Variants in ZNF585B observed in about 807,000 individuals in gnomAD.
ZNF585B encodes zinc finger protein 41-like protein.
In ZNF585B, 7 loss-of-function variants were observed where a neutral mutation model predicts 14.0. That is an observed-to-expected ratio of 0.50 (90% CI 0.28 to 0.94). ZNF585B has a LOEUF of 0.94. ZNF585B is among the 40% of genes least tolerant of loss of function. The probability of loss-of-function intolerance (pLI) is 0.09; values close to 1 mark genes in which losing one functional copy is unlikely to be tolerated. For synonymous variants in ZNF585B, 290 were observed against 317.3 expected, an observed-to-expected ratio of 0.91 and a Z score of 0.91; for missense variants, 750 against 924.4, an observed-to-expected ratio of 0.81 and a Z score of 2.45.
At chr19:37,200,050 AAATAATAAAAT>A (rs1231922205) in intron 2 of ZNF585B, among the ~76,000 whole-genome samples, 4 of 127,278 alleles carry the variant, frequency 3.1e-5, no homozygotes, top group Non-Finnish European at 6.4e-5. Context: ...TCTCAAAAAT[AAATAATAAAAT>A]AAAATAAAAT....
At position 37,208,696 on chromosome 19, in the gene ZNF585B, G is replaced by A. The variant is rs148752161; in HGVS notation, c.-143-1442C>T. Among the ~76,000 whole-genome samples, 13 of 152,094 alleles carry A rather than the reference G, an allele frequency of 8.5e-5. No individual in the cohort carries two copies. The East Asian group carries it at 9.7e-4, about 11-fold the overall frequency. ...ACCAACTTAACTAAAAGAAAAACGCGTCAGAACAATTAGAGAGAAATTTTC... is the reference window on the plus strand; with the variant it reads ...ACCAACTTAACTAAAAGAAAAACGCATCAGAACAATTAGAGAGAAATTTTC... On this transcript the variant is annotated intron_variant, in intron 1 of 4. Transcript: ENST00000532828.
intron 1 of ZNF585B, among the ~76,000 whole-genome samples, chr19:37,208,373 A>G (rs1416390264): frequency 2.0e-5 from 3 of 152,190 alleles, no homozygotes; most frequent in Non-Finnish European, 4.4e-5. Flanking sequence ...CAGACTATAT[A>G]TTTGTATAGC....
intron 2 of ZNF585B, among the ~76,000 whole-genome samples, chr19:37,198,214 T>C (rs572718426): frequency 2.0e-5 from 3 of 152,142 alleles, no homozygotes; most frequent in East Asian, 3.9e-4. Flanking sequence ...TCTTGTTGCC[T>C]GGGTTGGAGT....
chr19:37,197,918 C>T (rs945078441), intron 2 of ZNF585B, among the ~76,000 whole-genome samples: 2 of 151,934 alleles, frequency 1.3e-5, no homozygotes, highest in Non-Finnish European at 2.9e-5. Flanking sequence ...GGGAGGCAGA[C>T]CTGATGTTGA....
intron 2 of ZNF585B, among the ~76,000 whole-genome samples, chr19:37,203,388 G>A (rs749664604): frequency 1.6e-4 from 24 of 149,242 alleles, no homozygotes; most frequent in Non-Finnish European, 3.1e-4. Context: ...GCTGAGGCAG[G>A]AGAATCACTT....
rs138877413 is a variant in ZNF585B at position 37,207,380 on chromosome 19, G to A, written c.-143-126C>T. ...TTCCCAAACGTAGGTATGCATTCAA[G>A]TCACCTGGAGGGCTTGTTAAAACAT... On this transcript the variant is annotated intron_variant, in intron 1 of 4. Coordinates refer to ENST00000532828, the MANE Select transcript of ZNF585B (RefSeq NM_152279.4). The A allele has an allele frequency of 4.0e-3, 2,227 of 558,210 alleles. 6 individuals carry two copies. Among genetic ancestry groups the A allele is most frequent in the Admixed American group, 5.8e-3 (169 of 29,112 alleles). 34.6% of individuals were successfully genotyped at this position (558,210 alleles called of 1,614,324 possible).
intron 2 of ZNF585B, among the ~76,000 whole-genome samples, chr19:37,200,483 G>C (rs990990478): frequency 2.0e-5 from 3 of 149,610 alleles, no homozygotes; most frequent in Non-Finnish European, 4.4e-5. Flanking sequence ...CCGGCAGATG[G>C]AGGTTGCAGT....
At chr19:37,191,995 A>T (rs1972406950) in intron 2 of ZNF585B, among the ~76,000 whole-genome samples, 1 of 152,140 alleles carries the variant, frequency 6.6e-6, no homozygotes, top group Admixed American at 6.6e-5. Flanking sequence ...ATGCCACTGC[A>T]TTCCAGCCCG....
At chr19:37,199,201 G>A (rs1363492584) in intron 2 of ZNF585B, 1 of 489,450 alleles carries the variant, frequency 2.0e-6, no homozygotes, top group African/African-American at 2.0e-5. Flanking sequence ...CTGGAATAGA[G>A]CTTTACCACC....
Position 37,185,724 on chromosome 19 carries a change from G to C in ZNF585B, c.1813C>G (p.Pro605Ala), listed in dbSNP as rs371869068. The C allele has an allele frequency of 6.9e-5, 111 of 1,601,840 alleles. No homozygotes were observed. The highest frequency in any genetic ancestry group is 5.0e-4 in the Middle Eastern group (3 of 6,036). ...TTCCCACAGTCACTGCATTCATAAG[G>C]CTTCTCTCCAGTATGAATTCTTTGA... ...THQRIHTGEKPYECSDCGKSF... is the reference protein window; with the variant it reads ...THQRIHTGEKAYECSDCGKSF... The change falls in exon 5 of 5, where the codon CCT (proline) becomes GCT (alanine). Residue 605 changes from proline to alanine, a missense_variant. Pro to Ala is a conservative substitution (Grantham distance 27). Around this residue, in one of 2 missense-constraint regions of ZNF585B, gnomAD observed 233 missense variants for 354.1 expected, o/e 0.66. Coordinates refer to ENST00000532828, the MANE Select transcript of ZNF585B (RefSeq NM_152279.4).
intron 1 of ZNF585B, 66 bp from the exon 2 acceptor site, chr19:37,207,320 G>A (rs1165226703): frequency 4.0e-6 from 5 of 1,249,564 alleles, no homozygotes; most frequent in East Asian, 2.7e-5. Context: ...GATACACCAA[G>A]GTGCAGGTCC....
At chr19:37,200,636 G>GA (rs1266178311) in intron 2 of ZNF585B, among the ~76,000 whole-genome samples, 2 of 149,620 alleles carry the variant, frequency 1.3e-5, no homozygotes, top group East Asian at 3.9e-4. Context: ...AAAGAAAATA[G>GA]AAAAAAAGAA....
Position 37,185,612 on chromosome 19 carries a change from G to T in ZNF585B, c.1925C>A (p.Ala642Asp), listed in dbSNP as rs1353530304. 1 of 1,613,922 alleles carries T rather than the reference G, an allele frequency of 6.2e-7. No homozygotes were observed. The highest frequency in any genetic ancestry group is 1.3e-5 in the African/African-American group (1 of 74,866). The change falls in exon 5 of 5, where the codon GCC becomes GAC. Residue 642 changes from alanine (A) to aspartate (D), a missense_variant. Transcript: ENST00000532828. ...ACTGAGATTTGACCTGCCACTAAAG[G>T]CTTTCCCACACTCGGCACACACATA... The part of the protein sequence containing the change: ...KPYVCAECGK[A>D]FSGRSNLSKH...
At chr19:37,199,065 T>A in intron 2 of ZNF585B, 1 of 1,420,814 alleles carries the variant, frequency 7.0e-7, no homozygotes, top group East Asian at 2.5e-5. Flanking sequence ...CTGAAAAGAA[T>A]ATACATGTTC....
chr19:37,207,021 T>C lies in ZNF585B; in HGVS notation c.72+19A>G. 1.2e-6 allele frequency: 2 copies of C among 1,613,278 alleles called. No homozygotes were observed. The highest frequency in any genetic ancestry group is 1.7e-6 in the Non-Finnish European group (2 of 1,179,956). On this transcript the variant is annotated intron_variant, in intron 2 of 4. Transcript: ENST00000532828. Reference sequence around the variant, plus strand: ...ACTCTTGGACTGAAATTCCACCCCTTGGGACTCCTCCTCCTCACCTCATAG... The same window carrying C: ...ACTCTTGGACTGAAATTCCACCCCTCGGGACTCCTCCTCCTCACCTCATAG...
intron 2 of ZNF585B, among the ~76,000 whole-genome samples, chr19:37,192,121 C>G (rs1276492039): frequency 2.0e-5 from 3 of 152,070 alleles, no homozygotes; most frequent in Non-Finnish European, 4.4e-5. Flanking sequence ...CAATTTAGGA[C>G]CAGTCATTAT....
rs1020280499 is a variant in ZNF585B at position 37,184,034 on chromosome 19, G to T, written c.*1193C>A. 6.6e-6 allele frequency: 1 copy of T among 151,898 alleles called. No individual in the cohort carries two copies. Among genetic ancestry groups the T allele is most frequent in the African/African-American group, 2.4e-5 (1 of 41,352 alleles). The allele number at this position is 151,898 out of a possible 1,614,324, so 9.4% of individuals were successfully genotyped here. A position where few individuals can be genotyped will look rare whatever the true frequency, so the allele number is the denominator to read the frequency against. Reference sequence around the variant, plus strand: ...ATGACCTGAAAATCCTAACCTCAAAGGCTTTCTTGAGGGTGGTGGGAGTGT... The same window carrying T: ...ATGACCTGAAAATCCTAACCTCAAATGCTTTCTTGAGGGTGGTGGGAGTGT... On this transcript the variant is annotated 3_prime_UTR_variant, in exon 5 of 5. Coordinates refer to ENST00000532828, the MANE Select transcript of ZNF585B (RefSeq NM_152279.4).
chr19:37,187,056 T>A lies in ZNF585B; in HGVS notation c.481A>T (p.Ile161Phe). The stretch of plus-strand genomic sequence containing the variant: ...TGTACAAAAGCCCTCCCACATTCAA[T>A]ACATACATAGAGTTTTTCTCCTGTA... ...VPTGEKLYVC[I>F]ECGRAFVQKP... The change falls in exon 5 of 5, where the codon ATT (isoleucine) becomes TTT (phenylalanine). Residue 161 changes from isoleucine to phenylalanine, a missense_variant. By Grantham distance (21) the Ile-to-Phe change is conservative. Around this residue, in one of 2 missense-constraint regions of ZNF585B, gnomAD observed 517 missense variants for 570.3 expected, o/e 0.91. Transcript: ENST00000532828. 6.2e-7 allele frequency: 1 copy of A among 1,613,530 alleles called. No individual in the cohort carries two copies.
intron 1 of ZNF585B, among the ~76,000 whole-genome samples, chr19:37,210,085 G>C (rs1203873815): frequency 6.6e-6 from 1 of 152,030 alleles, no homozygotes; most frequent in Non-Finnish European, 1.5e-5. Flanking sequence ...TAAACACTTA[G>C]ATTTGAACAA....
Sources: gnomAD v4.1 joint callset for allele counts (sites outside exome capture counted in the v4.1 genomes callset) on GRCh38, gnomAD v4.1.1 for gene constraint, gnomAD v4.1.1 regional missense constraint, MANE v1.5 for transcripts, NCBI Gene and HGNC (gene_info 2026-07-23, HGNC 2026-07-21) for gene names.